TENM2: variants seen among roughly 807,000 people sequenced by gnomAD.
TENM2 encodes teneurin transmembrane protein 2, also known as teneurin-2.
A neutral mutation model predicts 245.2 loss-of-function variants in TENM2; 52 were observed. The ratio of observed to expected loss-of-function variants is 0.21; its 90% CI spans 0.17 to 0.27. The LOEUF (loss-of-function observed/expected upper bound fraction) is 0.27. Ranked by LOEUF, TENM2 falls within the 10% of genes least tolerant of loss-of-function variation. The probability of loss-of-function intolerance (pLI) is 1.00; values close to 1 mark genes in which losing one functional copy is unlikely to be tolerated. For synonymous variants in TENM2, 1,363 were observed against 1,438.9 expected, an observed-to-expected ratio of 0.95 and a Z score of 1.19; for missense variants, 3,046 against 3,666.8, an observed-to-expected ratio of 0.83 and a Z score of 4.37.
chr5:167,026,389 C>G, the TENM2 span, among the ~76,000 whole-genome samples: 1 of 152,186 alleles, frequency 6.6e-6, no homozygotes, highest in Non-Finnish European at 1.5e-5. Flanking sequence ...GAAGCTATTC[C>G]CTTTAGGCCA....
intron 13 of TENM2, among the ~76,000 whole-genome samples, chr5:168,177,993 C>T (rs1014224844): frequency 6.6e-6 from 1 of 152,200 alleles, no homozygotes; most frequent in Non-Finnish European, 1.5e-5. Flanking sequence ...CGTAGAATAG[C>T]CAAGTCCGGG....
At chr5:167,809,722 A>G (rs889286237) in intron 2 of TENM2, among the ~76,000 whole-genome samples, 2 of 152,094 alleles carry the variant, frequency 1.3e-5, no homozygotes, top group Non-Finnish European at 2.9e-5. Context: ...GAGTGGAGGC[A>G]AAGTGTTAGG....
chr5:168,169,286 C>G (rs1331638138), intron 13 of TENM2, among the ~76,000 whole-genome samples: 8 of 152,194 alleles, frequency 5.3e-5, no homozygotes, highest in Non-Finnish European at 1.2e-4. Context: ...TACTGCAGTT[C>G]CCTCTCTAAA....
At chr5:167,668,076 A>G (rs1294200915) in intron 2 of TENM2, among the ~76,000 whole-genome samples, 1 of 152,184 alleles carries the variant, frequency 6.6e-6, no homozygotes, top group African/African-American at 2.4e-5. Context: ...GTCCCCAACA[A>G]AGAAAATATA....
chr5:167,457,097 C>T (rs1014675585), intron 2 of TENM2, among the ~76,000 whole-genome samples: 3 of 152,082 alleles, frequency 2.0e-5, no homozygotes, highest in Non-Finnish European at 2.9e-5. Context: ...AGCCTCAGAG[C>T]CATCTTGGAA....
intron 2 of TENM2, among the ~76,000 whole-genome samples, chr5:167,462,450 G>C (rs1490407392): frequency 6.6e-6 from 1 of 152,094 alleles, no homozygotes; most frequent in African/African-American, 2.4e-5. Context: ...TTGGTACTTG[G>C]GTTCTTGTCC....
intron 2 of TENM2, among the ~76,000 whole-genome samples, chr5:167,524,783 C>G (rs1463415877): frequency 6.6e-6 from 1 of 151,458 alleles, no homozygotes; most frequent in Non-Finnish European, 1.5e-5. Flanking sequence ...AAACAGTTCC[C>G]CAAGAAAATC....
chr5:168,140,875 A>G (rs1008183862), intron 12 of TENM2, among the ~76,000 whole-genome samples: 3 of 152,154 alleles, frequency 2.0e-5, no homozygotes, highest in East Asian at 1.9e-4. Context: ...AGGAGTGGCC[A>G]TGTAAAATAG....
At chr5:167,575,681 G>T (rs761565035) in intron 2 of TENM2, among the ~76,000 whole-genome samples, 10 of 152,150 alleles carry the variant, frequency 6.6e-5, no homozygotes, top group Non-Finnish European at 1.3e-4. Flanking sequence ...CCCTGATACA[G>T]GTTGGGGAGA....
chr5:167,983,661 G>A (rs1783014984), intron 4 of TENM2, among the ~76,000 whole-genome samples: 1 of 152,122 alleles, frequency 6.6e-6, no homozygotes, highest in Non-Finnish European at 1.5e-5. Flanking sequence ...TGGGTTATTG[G>A]CTTCTTGTTT....
At chr5:167,755,197 G>A in intron 2 of TENM2, 3 of 1,596,226 alleles carry the variant, frequency 1.9e-6, no homozygotes, top group Non-Finnish European at 1.7e-6. Context: ...CTCTGGGTAA[G>A]GATGATGGAT....
chr5:168,189,068 C>T (rs1218335047), intron 13 of TENM2, among the ~76,000 whole-genome samples: 1 of 152,208 alleles, frequency 6.6e-6, no homozygotes, highest in Non-Finnish European at 1.5e-5. Context: ...AGTCTTCTTG[C>T]TGTGTCCACA....
chr5:167,077,744 A>G, the TENM2 span, among the ~76,000 whole-genome samples: 2 of 152,218 alleles, frequency 1.3e-5, no homozygotes, highest in Non-Finnish European at 2.9e-5. Context: ...TGTATGAATC[A>G]ATAAGGTATT....
the TENM2 span, among the ~76,000 whole-genome samples, chr5:167,195,620 C>A: frequency 6.6e-6 from 1 of 151,838 alleles, no homozygotes; most frequent in African/African-American, 2.4e-5. Context: ...TGGATGTGTT[C>A]CATTGAATCT....
At chr5:168,063,585 C>A (rs1316145857) in intron 7 of TENM2, among the ~76,000 whole-genome samples, 3 of 152,128 alleles carry the variant, frequency 2.0e-5, no homozygotes, top group Admixed American at 2.0e-4. Flanking sequence ...GGCAATTCAT[C>A]TAGAAAATTC....
At chr5:168,155,783 A>G (rs943119750) in intron 12 of TENM2, among the ~76,000 whole-genome samples, 3 of 151,996 alleles carry the variant, frequency 2.0e-5, no homozygotes, top group African/African-American at 7.3e-5. Flanking sequence ...CATAACAACT[A>G]TATAGACACT....
chr5:167,659,222 A>T (rs1755046727), intron 2 of TENM2, among the ~76,000 whole-genome samples: 1 of 152,218 alleles, frequency 6.6e-6, no homozygotes, highest in Admixed American at 6.5e-5. Flanking sequence ...ATTTGCATTT[A>T]AATTCCTGTG....
chr5:167,886,268 T>C (rs1010875022), intron 3 of TENM2, among the ~76,000 whole-genome samples: 6 of 152,216 alleles, frequency 3.9e-5, no homozygotes, highest in Admixed American at 3.3e-4. Flanking sequence ...TCCAGAGTGA[T>C]ATATAGAAAT....
chr5:167,981,988 AAAAAAAAG>A (rs1307975584), intron 4 of TENM2, among the ~76,000 whole-genome samples: 2 of 151,736 alleles, frequency 1.3e-5, no homozygotes, highest in Non-Finnish European at 2.9e-5. Flanking sequence ...CCAAAAAAAA[AAAAAAAAG>A]AAAAAAGAAA....
Sources: allele counts gnomAD v4.1 joint callset (sites outside exome capture counted in the v4.1 genomes callset), GRCh38; gene constraint gnomAD v4.1.1; transcripts MANE v1.5; gene names NCBI Gene and HGNC (gene_info 2026-07-23, HGNC 2026-07-21).